SCUBE1: variants seen among roughly 807,000 people sequenced by gnomAD.
SCUBE1 encodes the protein signal peptide, CUB and EGF-like domain-containing protein 1.
In SCUBE1, 59 loss-of-function variants were observed where a neutral mutation model predicts 124.4. That is an observed-to-expected ratio of 0.47 (90% CI 0.38 to 0.59). The LOEUF is 0.59. Among genes scored for constraint, SCUBE1 ranks in the 20% least tolerant of loss-of-function variants. The pLI, the probability that SCUBE1 is intolerant of heterozygous loss-of-function variation, is 0.00. For synonymous variants in SCUBE1, 545 were observed against 550.9 expected (o/e 0.99, Z 0.15); for missense variants, 1,150 against 1,371.2 (o/e 0.84, Z 2.55).
intron 3 of SCUBE1, among the ~76,000 whole-genome samples, chr22:43,306,207 G>A (rs2146769114): frequency 6.6e-6 from 1 of 152,310 alleles, no homozygotes; most frequent in South Asian, 2.1e-4. Flanking sequence ...TGTTGCTAAT[G>A]TCCCCTTTTA....
At chr22:43,221,080 C>T (rs1046430157) in intron 13 of SCUBE1, 93 bp downstream of exon 13, 3 of 859,080 alleles carry the variant, frequency 3.5e-6, no homozygotes, top group East Asian at 2.5e-5. Context: ...CCTTGGAAAC[C>T]AGACTCGCTG....
At chr22:43,267,173 G>A (rs373991328) in intron 4 of SCUBE1, among the ~76,000 whole-genome samples, 2 of 152,178 alleles carry the variant, frequency 1.3e-5, no homozygotes, top group East Asian at 1.9e-4. Flanking sequence ...CCTGCCAACC[G>A]TGGGTAACCC....
intron 3 of SCUBE1, among the ~76,000 whole-genome samples, chr22:43,315,517 A>T (rs1926313575): frequency 1.3e-5 from 2 of 152,206 alleles, no homozygotes; most frequent in Non-Finnish European, 2.9e-5. Context: ...AAGTCGGTTA[A>T]CTAGCTTGAG....
chr22:43,229,240 G>T, intron 8 of SCUBE1, 52 bp from the exon 9 acceptor site: 1 of 1,084,986 alleles, frequency 9.2e-7, no homozygotes, highest in Non-Finnish European at 1.4e-6. Context: ...GGGAGTGGTG[G>T]GTGGGCACGG....
chr22:43,243,102 C>T (rs888173989), intron 6 of SCUBE1, among the ~76,000 whole-genome samples: 4 of 152,232 alleles, frequency 2.6e-5, no homozygotes, highest in African/African-American at 4.8e-5. Flanking sequence ...CCACCGCACA[C>T]GCCACACACC....
chr22:43,248,412 G>A (rs1923304941), intron 6 of SCUBE1, among the ~76,000 whole-genome samples: 1 of 152,176 alleles, frequency 6.6e-6, no homozygotes, highest in African/African-American at 2.4e-5. Context: ...CTGGCACTGC[G>A]ACTCCACCCA....
intron 6 of SCUBE1, among the ~76,000 whole-genome samples, chr22:43,239,680 A>G (rs1024247148): frequency 6.6e-6 from 1 of 152,228 alleles, no homozygotes; most frequent in African/African-American, 2.4e-5. Context: ...GAGCTGGCAC[A>G]CCAGGATGCT....
chr22:43,262,596 T>C (rs1251647861), intron 5 of SCUBE1, 124 bp downstream of exon 5: 44 of 1,163,984 alleles, frequency 3.8e-5, no homozygotes, highest in Non-Finnish European at 4.3e-5. Flanking sequence ...GGCCCTGCCC[T>C]TCTCTCCACC....
chr22:43,225,692 G>A (rs772329492), intron 10 of SCUBE1, among the ~76,000 whole-genome samples: 14 of 151,718 alleles, frequency 9.2e-5, no homozygotes, highest in African/African-American at 2.7e-4. Flanking sequence ...GTGAGTCACC[G>A]TGCCCGGCCA....
chr22:43,214,047 G>GGGGCCCCCCCCCC (rs2146658482), intron 16 of SCUBE1, 43 bp downstream of exon 16: 1 of 143,440 alleles, frequency 7.0e-6, no homozygotes, highest in Non-Finnish European at 1.3e-5. Flanking sequence ...AGGAGCCCCC[G>GGGGCCCCCCCCCC]CCCACCCCCC....
intron 6 of SCUBE1, among the ~76,000 whole-genome samples, chr22:43,251,753 C>T (rs1849624483): frequency 6.6e-6 from 1 of 152,218 alleles, no homozygotes; most frequent in African/African-American, 2.4e-5. Flanking sequence ...AATTTCTGAC[C>T]TACAGAAGAT....
At chr22:43,207,468 C>T (rs971473528) in intron 21 of SCUBE1, 66 bp downstream of exon 21, 19 of 1,256,010 alleles carry the variant, frequency 1.5e-5, no homozygotes, top group Admixed American at 5.1e-5. Flanking sequence ...GGGGCAGGGG[C>T]GGTCCTGGCT....
chr22:43,306,342 G>C (rs1925968857), intron 3 of SCUBE1, among the ~76,000 whole-genome samples: 1 of 152,116 alleles, frequency 6.6e-6, no homozygotes, highest in African/African-American at 2.4e-5. Context: ...CCAAGCTCTT[G>C]GCACAGGGAC....
At chr22:43,339,294 G>A (rs778057247) in intron 1 of SCUBE1, 59 bp from the exon 2 acceptor site, 10 of 1,559,328 alleles carry the variant, frequency 6.4e-6, no homozygotes, top group East Asian at 4.5e-5. Context: ...GCAGGTGGCC[G>A]ATAGTGTAGG....
chr22:43,283,384 T>A (rs1925004208), intron 4 of SCUBE1: 1 of 152,156 alleles, frequency 6.6e-6, no homozygotes, highest in African/African-American at 2.4e-5. Context: ...GAGCGGCTAG[T>A]ACTCAGCTCA....
At chr22:43,320,894 C>T (rs550607312) in intron 2 of SCUBE1, among the ~76,000 whole-genome samples, 2 of 152,224 alleles carry the variant, frequency 1.3e-5, no homozygotes, top group East Asian at 3.9e-4. Context: ...GGGGCCTAAC[C>T]CCGGTCACAC....
intron 4 of SCUBE1, among the ~76,000 whole-genome samples, chr22:43,272,231 A>G (rs1279591601): frequency 2.0e-5 from 3 of 152,068 alleles, no homozygotes; most frequent in African/African-American, 7.2e-5. Flanking sequence ...CCTGGGTCCC[A>G]GCTGGGTGTG....
At chr22:43,208,370 C>T (rs1921388646) in intron 19 of SCUBE1, 146 bp from the exon 20 acceptor site, 1 of 723,418 alleles carries the variant, frequency 1.4e-6, no homozygotes, top group African/African-American at 1.8e-5. Flanking sequence ...TGTGCTTGCT[C>T]CCTCTGCCTC....
intron 3 of SCUBE1, among the ~76,000 whole-genome samples, chr22:43,294,107 A>G (rs1239519400): frequency 6.6e-6 from 1 of 152,098 alleles, no homozygotes; most frequent in Non-Finnish European, 1.5e-5. Context: ...TCTTGTCCCC[A>G]CTCCCAAGTG....
Sources: gnomAD v4.1 joint callset for allele counts (sites outside exome capture counted in the v4.1 genomes callset) on GRCh38, gnomAD v4.1.1 for gene constraint, MANE v1.5 for transcripts, NCBI Gene and HGNC (gene_info 2026-07-23, HGNC 2026-07-21) for gene names.